HTR4: variants seen among roughly 807,000 people sequenced by gnomAD.
The protein encoded by HTR4 is 5-hydroxytryptamine (serotonin) receptor 4, G protein-coupled.
A neutral mutation model predicts 36.8 loss-of-function variants in HTR4; 16 were observed. The observed-to-expected ratio is 0.43, with a 90% confidence interval of 0.29 to 0.66. The LOEUF (loss-of-function observed/expected upper bound fraction) is 0.66. Among genes scored for constraint, HTR4 ranks in the 30% least tolerant of loss-of-function variants. The pLI, the probability that HTR4 is intolerant of heterozygous loss-of-function variation, is 0.13. For synonymous variants in HTR4, 189 were observed against 185.1 expected (o/e 1.02, Z -0.17); for missense variants, 438 against 490.9 (o/e 0.89, Z 1.02).
At chr5:148,576,133 A>AAAAAAAAAC (rs1760905014) in intron 2 of HTR4, among the ~76,000 whole-genome samples, 1 of 147,496 alleles carries the variant, frequency 6.8e-6, no homozygotes, top group Non-Finnish European at 1.5e-5. Flanking sequence ...AAAAAAAAAA[A>AAAAAAAAAC]CAAAATCAAT....
At chr5:148,600,209 T>A (rs1027884647) in intron 2 of HTR4, among the ~76,000 whole-genome samples, 1 of 149,690 alleles carries the variant, frequency 6.7e-6, no homozygotes, top group South Asian at 2.1e-4. Flanking sequence ...TGTGCTGCTT[T>A]AATAAAGTTA....
chr5:148,604,493 C>G (rs1399250097), intron 2 of HTR4, among the ~76,000 whole-genome samples: 1 of 152,116 alleles, frequency 6.6e-6, no homozygotes, highest in Non-Finnish European at 1.5e-5. Context: ...CTAAGCAAAC[C>G]TGCTACTAAC....
intron 1 of HTR4, among the ~76,000 whole-genome samples, chr5:148,639,100 T>G (rs1386586559): frequency 1.3e-5 from 2 of 151,964 alleles, no homozygotes; most frequent in African/African-American, 4.8e-5. Context: ...TTATTCCTAC[T>G]CCTGACCCTT....
At position 148,519,076 on chromosome 5, in the gene HTR4, T is replaced by C. The variant is rs534855204; in HGVS notation, c.507+4117A>G. ...AGTGGGCATTCAATTATTTCTTGAA[T>C]GAATAAATAAATAAATAGTGCAGCC... On this transcript the variant is annotated intron_variant, in intron 5 of 6. Coordinates refer to ENST00000377888, the MANE Select transcript of HTR4 (RefSeq NM_000870.7). Among the ~76,000 whole-genome samples the C allele has an allele frequency of 8.5e-5, 13 of 152,326 alleles. No homozygotes were observed. In the East Asian group the frequency reaches 2.3e-3, roughly 27 times the overall value.
intron 2 of HTR4, among the ~76,000 whole-genome samples, chr5:148,594,055 G>A (rs1761675665): frequency 6.6e-6 from 1 of 152,102 alleles, no homozygotes; most frequent in African/African-American, 2.4e-5. Flanking sequence ...GCTTCGTAGT[G>A]AAAGTATATT....
At chr5:148,463,191 G>A (rs1316408502) in intron 5 of HTR4, among the ~76,000 whole-genome samples, 2 of 3,416 alleles carry the variant, frequency 5.9e-4, no homozygotes, top group East Asian at 0.013. Flanking sequence ...TTTTTTTTTT[G>A]AGACGGAGTC....
At chr5:148,538,627 T>A (rs1196103766) in intron 4 of HTR4, among the ~76,000 whole-genome samples, 3 of 151,874 alleles carry the variant, frequency 2.0e-5, no homozygotes, top group East Asian at 3.9e-4. Flanking sequence ...CATTCACAAC[T>A]GCCGCAAAAA....
chr5:148,522,388 G>C (rs185016300), intron 5 of HTR4, among the ~76,000 whole-genome samples: 8 of 152,044 alleles, frequency 5.3e-5, no homozygotes, highest in African/African-American at 1.7e-4. Context: ...ATATTTGTTC[G>C]CTTATCTACA....
chr5:148,527,038 C>G lies in HTR4; in HGVS notation c.354-3692G>C, dbSNP rs72832058. Among the ~76,000 whole-genome samples the G allele has an allele frequency of 6.1e-3, 922 of 152,220 alleles. 6 individuals carry two copies. The highest frequency in any genetic ancestry group is 0.011 in the Admixed American group (171 of 15,292). ...GCTAGAATAATAGATTTGGAATGCT[C>G]TCAACACAAAGAAATGATAAATGTT... On this transcript the variant is annotated intron_variant, in intron 4 of 6. Transcript: ENST00000377888.
At chr5:148,624,165 T>C (rs1222156940) in intron 2 of HTR4, among the ~76,000 whole-genome samples, 1 of 152,188 alleles carries the variant, frequency 6.6e-6, no homozygotes, top group Non-Finnish European at 1.5e-5. Flanking sequence ...GCAGCACTTG[T>C]AGAAGAGGAG....
chr5:148,477,944 T>C (rs1755751310), downstream of HTR4, among the ~76,000 whole-genome samples: 1 of 152,200 alleles, frequency 6.6e-6, no homozygotes, highest in Non-Finnish European at 1.5e-5. Flanking sequence ...CTTCCCTAAC[T>C]ACTTCATCTA....
Position 148,482,889 on chromosome 5 carries a change from G to A in HTR4, c.*314C>T. 8.0e-7 allele frequency: 1 copy of A among 1,247,486 alleles called. No homozygotes were observed. Among genetic ancestry groups the A allele is most frequent in the Non-Finnish European group, 1.0e-6 (1 of 983,058 alleles). The allele number at this position is 1,247,486 out of a possible 1,614,324, so 77.3% of individuals were successfully genotyped here. ...AAGCTATCGTGCTTAGAACGTGAGT[G>A]AGACAGATCAGACACAGTGAGTGAC... On this transcript the variant is annotated 3_prime_UTR_variant, in exon 7 of 7. Coordinates refer to ENST00000377888, the MANE Select transcript of HTR4 (RefSeq NM_000870.7).
chr5:148,631,067 G>T (rs1028553813), intron 2 of HTR4, among the ~76,000 whole-genome samples: 2 of 152,012 alleles, frequency 1.3e-5, no homozygotes, highest in African/African-American at 4.8e-5. Flanking sequence ...ATTGCAAGAG[G>T]CCATTGCTTT....
intron 2 of HTR4, among the ~76,000 whole-genome samples, chr5:148,580,139 G>T (rs1049509017): frequency 3.3e-5 from 5 of 151,966 alleles, no homozygotes; most frequent in Non-Finnish European, 5.9e-5. Flanking sequence ...GGGAACAATG[G>T]TGCTCACTGC....
intron 2 of HTR4, among the ~76,000 whole-genome samples, chr5:148,580,942 A>G (rs1266306133): frequency 6.6e-6 from 1 of 151,964 alleles, no homozygotes; most frequent in Non-Finnish European, 1.5e-5. Flanking sequence ...AGGACCCTCC[A>G]TACTGTTTTC....
intron 1 of HTR4, among the ~76,000 whole-genome samples, chr5:148,639,645 A>ATG (rs56995835): frequency 6.9e-6 from 1 of 144,248 alleles, no homozygotes. Context: ...ATATATATAT[A>ATG]GTCAATTGCT....
At chr5:148,609,846 G>A (rs555348176) in intron 2 of HTR4, among the ~76,000 whole-genome samples, 7 of 152,254 alleles carry the variant, frequency 4.6e-5, no homozygotes, top group Non-Finnish European at 5.9e-5. Flanking sequence ...GATTACAGGC[G>A]TGAGCCACCA....
intron 5 of HTR4, among the ~76,000 whole-genome samples, chr5:148,513,794 A>G (rs1757606996): frequency 6.6e-6 from 1 of 152,128 alleles, no homozygotes; most frequent in African/African-American, 2.4e-5. Flanking sequence ...TTTCAATAAT[A>G]CTTTTTAATT....
In HTR4 at chr5:148,582,290, T is replaced by C. The variant is rs191342516; in HGVS notation, c.27-32028A>G. 3.9e-5 allele frequency among the ~76,000 whole-genome samples: 6 copies of C among 152,248 alleles called. No individual in the cohort carries two copies. In the East Asian group the frequency reaches 9.7e-4, roughly 25 times the overall value. Reference sequence around the variant, plus strand: ...TAAGATCATGTCATTCCAGAGTCTTTTTTTATAATTTCAAATTTGATTTAA... The same window carrying C: ...TAAGATCATGTCATTCCAGAGTCTTCTTTTATAATTTCAAATTTGATTTAA... On this transcript the variant is annotated intron_variant, in intron 2 of 6. Coordinates refer to ENST00000377888, the MANE Select transcript of HTR4 (RefSeq NM_000870.7).
Sources: gnomAD v4.1 joint callset for allele counts (sites outside exome capture counted in the v4.1 genomes callset) on GRCh38, gnomAD v4.1.1 for gene constraint, MANE v1.5 for transcripts, NCBI Gene and HGNC (gene_info 2026-07-23, HGNC 2026-07-21) for gene names.